Variants in RTN4 observed in about 807,000 individuals in gnomAD.
RTN4 encodes reticulon-4.
RTN4 carries 32 observed loss-of-function variants against 90.4 expected under a neutral mutation model. That is an observed-to-expected ratio of 0.35 (90% CI 0.27 to 0.48). RTN4 has a LOEUF of 0.48. Ranked by LOEUF, RTN4 falls within the 20% of genes least tolerant of loss-of-function variation. RTN4 has a pLI of 0.99. For synonymous variants in RTN4, 629 were observed against 552.5 expected, an observed-to-expected ratio of 1.14 and a Z score of -1.94; for missense variants, 1,706 against 1,430.2, an observed-to-expected ratio of 1.19 and a Z score of -3.11.
chr2:55,043,553 G>A (rs1369890365), intron 1 of RTN4, among the ~76,000 whole-genome samples: 2 of 152,076 alleles, frequency 1.3e-5, no homozygotes. Context: ...AGGAGTTCAA[G>A]ACCAACCTGG....
chr2:54,972,812 C>G lies in RTN4; in HGVS notation c.*344G>C, dbSNP rs199976185. The G allele has an allele frequency of 6.7e-5, 8 of 119,154 alleles. No homozygotes were observed. The highest frequency in any genetic ancestry group is 6.3e-4 in the East Asian group (3 of 4,732). The allele number at this position is 119,154 out of a possible 1,614,324, so 7.4% of individuals were successfully genotyped here. ...GAAAAGGGCTTTTTTTTTTTTTTTT[C>G]TAGCTCCACCATCTCTGCAACTTGC... On this transcript the variant is annotated 3_prime_UTR_variant, in exon 9 of 9. Coordinates refer to ENST00000337526, the MANE Select transcript of RTN4 (RefSeq NM_020532.5).
chr2:55,104,912 T>C (rs1169355367), intron 1 of RTN4, among the ~76,000 whole-genome samples: 2 of 151,954 alleles, frequency 1.3e-5, no homozygotes, highest in Admixed American at 1.3e-4. Context: ...GCTCAAGCGA[T>C]CTCCCCACCT....
upstream of RTN4, among the ~76,000 whole-genome samples, chr2:55,115,712 T>C (rs1049899320): frequency 6.6e-6 from 1 of 152,210 alleles, no homozygotes. Context: ...AAGAAAAGCA[T>C]TCTGTCTAGC....
At chr2:54,989,038 T>C (rs1678802726) in intron 3 of RTN4, among the ~76,000 whole-genome samples, 4 of 152,196 alleles carry the variant, frequency 2.6e-5, no homozygotes, top group African/African-American at 7.2e-5. Flanking sequence ...AAAATCACAG[T>C]TTTAGGGCTG....
chr2:55,008,206 A>G (rs1680379608), intron 3 of RTN4, among the ~76,000 whole-genome samples: 3 of 151,480 alleles, frequency 2.0e-5, no homozygotes, highest in African/African-American at 7.3e-5. Flanking sequence ...AAATCAGAGC[A>G]TCTCTCAAAT....
chr2:55,115,047 G>C (rs557320988), upstream of RTN4, among the ~76,000 whole-genome samples: 6 of 152,284 alleles, frequency 3.9e-5, no homozygotes, highest in South Asian at 1.0e-3. Context: ...TCTCCCTTCA[G>C]ACAATTTGAT....
At chr2:54,998,976 T>C (rs189012015) in intron 3 of RTN4, among the ~76,000 whole-genome samples, 63 of 152,314 alleles carry the variant, frequency 4.1e-4, no homozygotes, top group African/African-American at 1.4e-3. Context: ...ACCTTACTCA[T>C]ACAAAATGTT....
chr2:55,025,430 G>T lies in RTN4; in HGVS notation c.2669C>A (p.Thr890Asn). Reference sequence around the variant, plus strand: ...ACTTTTGTGGGATACTTCTAGGTCAGTATATTCCCTGGCTAATTTAGAAAA... The same window carrying T: ...ACTTTTGTGGGATACTTCTAGGTCATTATATTCCCTGGCTAATTTAGAAAA... ...DSFSKLAREY[T>N]DLEVSHKSEI... The change falls in exon 3 of 9, where the codon ACT (threonine) becomes AAT (asparagine). Residue 890 changes from threonine to asparagine, a missense_variant. Thr to Asn is a moderately conservative substitution (Grantham distance 65). Transcript: ENST00000337526. 2.5e-6 allele frequency: 4 copies of T among 1,613,848 alleles called. No homozygotes were observed. The highest frequency in any genetic ancestry group is 3.4e-6 in the Non-Finnish European group (4 of 1,179,832).
chr2:55,120,652 G>A, the RTN4 span, among the ~76,000 whole-genome samples: 1 of 152,108 alleles, frequency 6.6e-6, no homozygotes, highest in Non-Finnish European at 1.5e-5. Context: ...TCTCAAGCAA[G>A]TGAAAAAATG....
chr2:54,999,349 T>C (rs979512080), intron 3 of RTN4, among the ~76,000 whole-genome samples: 1 of 152,184 alleles, frequency 6.6e-6, no homozygotes. Flanking sequence ...TCAGCCTGCA[T>C]TGTGCATGCC....
chr2:55,112,860 A>T (rs1437812258), upstream of RTN4, among the ~76,000 whole-genome samples: 1 of 152,228 alleles, frequency 6.6e-6, no homozygotes, highest in Admixed American at 6.5e-5. Flanking sequence ...TCTTCTGCCA[A>T]CCCCCAGCTG....
At chr2:55,104,458 C>T (rs1324477864) in intron 1 of RTN4, among the ~76,000 whole-genome samples, 2 of 151,874 alleles carry the variant, frequency 1.3e-5, no homozygotes, top group Non-Finnish European at 1.5e-5. Flanking sequence ...GTTCATGATT[C>T]TCGTGCTTCA....
chr2:55,046,554 T>C (rs1667746591), intron 1 of RTN4, among the ~76,000 whole-genome samples: 1 of 152,236 alleles, frequency 6.6e-6, no homozygotes, highest in Non-Finnish European at 1.5e-5. Context: ...CATCATTCTC[T>C]ATGCCATTAT....
rs200058586 is a variant in RTN4 at position 55,066,187 on chromosome 2, GTGTGTT to G, written c.-63+14296_-63+14301del. 3.1e-3 allele frequency among the ~76,000 whole-genome samples: 188 copies of G among 61,398 alleles called. 1 individual carries two copies. The highest frequency in any genetic ancestry group is 7.2e-3 in the African/African-American group (170 of 23,484). 40.3% of individuals were successfully genotyped at this position (61,398 alleles called of 152,430 possible). A position where few individuals can be genotyped will look rare whatever the true frequency, so the allele number is the denominator to read the frequency against. Reference sequence around the variant, plus strand: ...AACCCATTTGTGTGTGTGTGTGTGTGTGTGTTTGTGTGTGTGTGTGTGTGTGTGTGT... The same window carrying G: ...AACCCATTTGTGTGTGTGTGTGTGTGTGTGTGTGTGTGTGTGTGTGTGTGT... On this transcript the variant is annotated intron_variant, in intron 2 of 3. Transcript: ENST00000427710.
At chr2:55,010,304 A>T (rs757075408) in intron 3 of RTN4, 2 of 1,418,458 alleles carry the variant, frequency 1.4e-6, no homozygotes, top group Non-Finnish European at 1.8e-6. Context: ...GGTGTGGAAC[A>T]GTCTGACGCA....
intron 3 of RTN4, among the ~76,000 whole-genome samples, chr2:55,002,023 G>A (rs1679884210): frequency 6.6e-6 from 1 of 151,930 alleles, no homozygotes; most frequent in East Asian, 1.9e-4. Flanking sequence ...GTTTTTATGT[G>A]CCAAGATAAA....
At chr2:54,985,844 A>G (rs1300408437) in intron 4 of RTN4, among the ~76,000 whole-genome samples, 3 of 152,224 alleles carry the variant, frequency 2.0e-5, no homozygotes, top group Non-Finnish European at 1.5e-5. Flanking sequence ...CCTTGCCACA[A>G]ATAGTTTTTT....
rs998005464 is a variant in RTN4, at chr2:54,972,537, ACT to A, written c.*617_*618del. On this transcript the variant is annotated 3_prime_UTR_variant, in exon 9 of 9. Coordinates refer to ENST00000337526, the MANE Select transcript of RTN4 (RefSeq NM_020532.5). The stretch of plus-strand genomic sequence containing the variant: ...ACTACACATGTATAACCAATGACTG[ACT>A]CTGAAATATCAAGCACTGTGGGGTG... 6.6e-6 allele frequency: 1 copy of A among 152,606 alleles called. No homozygotes were observed. Among genetic ancestry groups the A allele is most frequent in the South Asian group, 2.1e-4 (1 of 4,834 alleles). The allele number at this position is 152,606 out of a possible 1,614,324, so 9.5% of individuals were successfully genotyped here.
Position 55,026,063 on chromosome 2 carries a change from T to G in RTN4, c.2036A>C (p.Glu679Ala). 1.9e-6 allele frequency: 3 copies of G among 1,610,350 alleles called. No homozygotes were observed. The highest frequency in any genetic ancestry group is 1.7e-6 in the Non-Finnish European group (2 of 1,179,110). ...KVSGIKEEIK[E>A]PENINAALQE... Reference sequence around the variant, plus strand: ...AAGAGCTGCATTAATATTTTCAGGCTCTTTAATTTCTTCCTTTATTCCTGA... The same window carrying G: ...AAGAGCTGCATTAATATTTTCAGGCGCTTTAATTTCTTCCTTTATTCCTGA... Residue 679 changes from glutamate (E) to alanine (A), a missense_variant, in exon 3 of 9, where the codon GAG (glutamate) becomes GCG (alanine). By Grantham distance (107) the Glu-to-Ala change is moderately radical. Transcript: ENST00000337526.
Sources: gnomAD v4.1 joint callset for allele counts (sites outside exome capture counted in the v4.1 genomes callset) on GRCh38, gnomAD v4.1.1 for gene constraint, MANE v1.5 for transcripts, NCBI Gene and HGNC (gene_info 2026-07-23, HGNC 2026-07-21) for gene names.